The following DNM2 variants were observed in gnomAD, a reference collection of about 807,000 sequenced individuals.
DNM2 encodes the protein dynamin-2.
DNM2 carries 15 observed loss-of-function variants against 99.0 expected under a neutral mutation model. The ratio of observed to expected loss-of-function variants is 0.15; its 90% CI spans 0.10 to 0.23. DNM2 has a LOEUF of 0.23. Among genes scored for constraint, DNM2 ranks in the 10% least tolerant of loss-of-function variants. The probability of loss-of-function intolerance (pLI) is 1.00; values close to 1 mark genes in which losing one functional copy is unlikely to be tolerated. For missense variants in DNM2, 742 were observed against 1,189.4 expected (o/e 0.62, Z 5.53); for synonymous variants, 525 against 481.2 (o/e 1.09, Z -1.19).
At chr19:10,804,153 G>A (rs1109376) in intron 12 of DNM2, among the ~76,000 whole-genome samples, 32,112 of 152,036 alleles carry the variant, frequency 0.21, 3,702 homozygotes, top group Middle Eastern at 0.32. Context: ...ACACCAGGAT[G>A]CTTCTGATTA....
chr19:10,751,052 T>A (rs2070175372), intron 1 of DNM2, among the ~76,000 whole-genome samples: 1 of 152,056 alleles, frequency 6.6e-6, no homozygotes, highest in South Asian at 2.1e-4. Context: ...GGGGTCTGTA[T>A]GTGAGCCAGA....
Position 10,826,207 on chromosome 19 carries a change from A to G in DNM2, c.2058+986A>G, listed in dbSNP as rs545901107. On this transcript the variant is annotated intron_variant, in intron 18 of 20. Coordinates refer to ENST00000389253, the MANE Select transcript of DNM2 (RefSeq NM_001005361.3). ...GTGTGCGCCTTCTCTGAATTAACTT[A>G]GGCTGGCATCAGAATAACTGCAGGA... 8.5e-5 allele frequency among the ~76,000 whole-genome samples: 13 copies of G among 152,310 alleles called. No individual in the cohort carries two copies. The East Asian group carries it at 2.3e-3, about 27-fold the overall frequency.
intron 17 of DNM2, 76 bp from the exon 18 acceptor site, chr19:10,824,981 G>A: frequency 6.2e-7 from 1 of 1,607,488 alleles, no homozygotes; most frequent in Non-Finnish European, 8.5e-7. Flanking sequence ...TGGGACAATA[G>A]GGCAGATGGT....
chr19:10,736,335 A>G (rs1402429676), intron 1 of DNM2, among the ~76,000 whole-genome samples: 3 of 152,034 alleles, frequency 2.0e-5, no homozygotes, highest in Non-Finnish European at 4.4e-5. Context: ...GCTGGTTTCA[A>G]ACTACTGGGC....
chr19:10,815,530 C>T (rs566499452), intron 15 of DNM2, among the ~76,000 whole-genome samples: 1 of 152,296 alleles, frequency 6.6e-6, no homozygotes, highest in African/African-American at 2.4e-5. Flanking sequence ...CTGCATGTGT[C>T]CCAGGTTTTG....
intron 6 of DNM2, among the ~76,000 whole-genome samples, chr19:10,786,269 A>G (rs1433111624): frequency 6.6e-6 from 1 of 152,146 alleles, no homozygotes; most frequent in East Asian, 1.9e-4. Flanking sequence ...GTCTGGATGG[A>G]CTGTCCTTGC....
chr19:10,824,806 C>CAA, intron 17 of DNM2: 2 of 527,036 alleles, frequency 3.8e-6, no homozygotes, highest in Non-Finnish European at 6.8e-6. Flanking sequence ...AAGACTGTGT[C>CAA]AAAAAAAAAC....
chr19:10,805,780 G>A, intron 12 of DNM2, 136 bp from the exon 13 acceptor site: 2 of 1,035,412 alleles, frequency 1.9e-6, no homozygotes, highest in East Asian at 5.1e-5. Context: ...AGCTCTGTGT[G>A]TGCAGGGGGC....
Position 10,820,224 on chromosome 19 carries a change from G to A in DNM2, c.1781+135G>A. On this transcript the variant is annotated intron_variant, in intron 16 of 20. Coordinates refer to ENST00000389253, the MANE Select transcript of DNM2 (RefSeq NM_001005361.3). This position sits in a 1 kb window ranked among gnomAD's most constrained non-coding sequence, Gnocchi z 4.3. Reference sequence around the variant, plus strand: ...CTTGGGACCCAGCTTTTAGAAAGGGGAGTCACGTGAGAAATAGCAAATGCC... The same window carrying A: ...CTTGGGACCCAGCTTTTAGAAAGGGAAGTCACGTGAGAAATAGCAAATGCC... 1.2e-6 allele frequency: 1 copy of A among 803,458 alleles called. No homozygotes were observed. Among genetic ancestry groups the A allele is most frequent in the Non-Finnish European group, 2.1e-6 (1 of 480,042 alleles). The allele number at this position is 803,458 out of a possible 1,614,324, so 49.8% of individuals were successfully genotyped here. A position where few individuals can be genotyped will look rare whatever the true frequency, so the allele number is the denominator to read the frequency against.
chr19:10,780,666 G>A (rs1313046686), intron 5 of DNM2, among the ~76,000 whole-genome samples: 1 of 152,106 alleles, frequency 6.6e-6, no homozygotes, highest in Non-Finnish European at 1.5e-5. Context: ...GGTGGCTCAT[G>A]CCTATAACCC....
At chr19:10,774,405 A>T (rs146834661) in intron 3 of DNM2, among the ~76,000 whole-genome samples, 2 of 152,320 alleles carry the variant, frequency 1.3e-5, no homozygotes, top group Admixed American at 6.5e-5. Flanking sequence ...CTTTTCCTTA[A>T]ATTGTTAGCA....
At chr19:10,770,537 A>G (rs185002806) in intron 2 of DNM2, among the ~76,000 whole-genome samples, 2 of 152,238 alleles carry the variant, frequency 1.3e-5, no homozygotes, top group African/African-American at 4.8e-5. Context: ...TTCAGCCGAT[A>G]TTAATCCATT....
chr19:10,735,008 C>T (rs2069471218), intron 1 of DNM2, among the ~76,000 whole-genome samples: 1 of 150,976 alleles, frequency 6.6e-6, no homozygotes, highest in East Asian at 1.9e-4. Flanking sequence ...GGTGAGGTGC[C>T]CCTCTCTTCT....
At chr19:10,798,779 C>A (rs908153535) in intron 11 of DNM2, among the ~76,000 whole-genome samples, 8 of 151,766 alleles carry the variant, frequency 5.3e-5, no homozygotes, top group Admixed American at 2.6e-4. Context: ...AATCAAGATA[C>A]AGAGCGGTTC....
chr19:10,730,946 G>C (rs1262385987), intron 1 of DNM2, among the ~76,000 whole-genome samples: 3 of 152,198 alleles, frequency 2.0e-5, no homozygotes, highest in African/African-American at 4.8e-5. Context: ...GTAGACAAGA[G>C]GCCAGCAGAG....
chr19:10,802,224 C>G (rs1416577593), intron 11 of DNM2, 64 bp from the exon 12 acceptor site: 14 of 1,571,846 alleles, frequency 8.9e-6, no homozygotes, highest in South Asian at 2.2e-5. Context: ...AGGAAATGCT[C>G]TTGCCGCTGC....
At chr19:10,824,687 C>T in intron 17 of DNM2, 1 of 322,120 alleles carries the variant, frequency 3.1e-6, no homozygotes, top group Non-Finnish European at 6.0e-6. Context: ...CCTGTAATCC[C>T]ATCTACTCCA....
intron 11 of DNM2, among the ~76,000 whole-genome samples, chr19:10,801,400 A>C (rs1251210985): frequency 6.6e-6 from 1 of 151,946 alleles, no homozygotes; most frequent in Non-Finnish European, 1.5e-5. Flanking sequence ...TAGGAGGATC[A>C]CTTGAGCCTA....
chr19:10,722,438 A>G (rs1430652326), intron 1 of DNM2, among the ~76,000 whole-genome samples: 1 of 152,170 alleles, frequency 6.6e-6, no homozygotes, highest in Non-Finnish European at 1.5e-5. Flanking sequence ...GCCAGAAGGA[A>G]GGCCTTAGGC....
Sources: gnomAD v4.1 joint callset for allele counts (sites outside exome capture counted in the v4.1 genomes callset) on GRCh38, gnomAD v4.1.1 for gene constraint, Gnocchi (gnomAD v3.1) non-coding constraint, MANE v1.5 for transcripts, NCBI Gene and HGNC (gene_info 2026-07-23, HGNC 2026-07-21) for gene names.